ADGRG6: variants seen among roughly 807,000 people sequenced by gnomAD.
The protein encoded by ADGRG6 is G-protein coupled receptor 126.
Under a neutral mutation model 142.4 loss-of-function variants are expected in ADGRG6, and 84 were observed. That is an observed-to-expected ratio of 0.59 (90% CI 0.49 to 0.71). The LOEUF is 0.71. ADGRG6 is among the 30% of genes least tolerant of loss of function. The pLI is 0.00. For missense variants in ADGRG6, 1,367 were observed against 1,466.6 expected, an observed-to-expected ratio of 0.93 and a Z score of 1.11; for synonymous variants, 521 against 520.5, an observed-to-expected ratio of 1.00 and a Z score of -0.01.
intron 22 of ADGRG6, among the ~76,000 whole-genome samples, chr6:142,420,890 A>G (rs901476468): frequency 1.3e-5 from 2 of 152,200 alleles, no homozygotes; most frequent in African/African-American, 4.8e-5. Flanking sequence ...GAAACTCCTT[A>G]GTGTGCAGAA....
At chr6:142,420,479 G>T (rs574118446) in intron 22 of ADGRG6, among the ~76,000 whole-genome samples, 1 of 152,202 alleles carries the variant, frequency 6.6e-6, no homozygotes, top group East Asian at 1.9e-4. Flanking sequence ...GCTGAATGTT[G>T]GTCCTCTTCA....
At chr6:142,340,125 T>C (rs1265690234) in intron 2 of ADGRG6, among the ~76,000 whole-genome samples, 1 of 152,128 alleles carries the variant, frequency 6.6e-6, no homozygotes, top group Non-Finnish European at 1.5e-5. Context: ...AGGCTCTTTC[T>C]CTTGAGAGTA....
intron 22 of ADGRG6, among the ~76,000 whole-genome samples, chr6:142,423,831 C>T (rs1350106195): frequency 6.9e-6 from 1 of 144,426 alleles, no homozygotes; most frequent in Non-Finnish European, 1.5e-5. Flanking sequence ...TTGTTTGTAT[C>T]CTCTTTGATT....
intron 6 of ADGRG6, among the ~76,000 whole-genome samples, chr6:142,389,497 C>T (rs555561511): frequency 4.6e-5 from 7 of 151,916 alleles, no homozygotes; most frequent in African/African-American, 1.4e-4. Context: ...TTTAGCAAAC[C>T]CTTGCTGGTG....
At chr6:142,436,504 T>C (rs760125578) in intron 22 of ADGRG6, among the ~76,000 whole-genome samples, 1 of 151,950 alleles carries the variant, frequency 6.6e-6, no homozygotes, top group Non-Finnish European at 1.5e-5. Context: ...GTGGAGAAGA[T>C]AAGGTGTGAG....
Position 142,392,971 on chromosome 6 carries a change from GA to G in ADGRG6, c.1334del (p.Asn445ThrfsTer13). ...EWLNSTFQNW[N>X]YTVYVVNISF... ...AGCTCAATTCAACCTTCCAAAATTG[GA>G]ACTACACGGTTTATGTCGTTAATAT... On this transcript the variant is annotated frameshift_variant, in exon 8 of 25. Transcript: ENST00000367609. LOFTEE classifies it high-confidence loss of function. 6.3e-7 allele frequency: 1 copy of G among 1,596,592 alleles called. No individual in the cohort carries two copies.
At chr6:142,303,853 C>T (rs1049854976) in intron 1 of ADGRG6, among the ~76,000 whole-genome samples, 3 of 151,872 alleles carry the variant, frequency 2.0e-5, no homozygotes, top group African/African-American at 7.3e-5. Flanking sequence ...TAAAAATTTC[C>T]TGATCATGAA....
intron 2 of ADGRG6, among the ~76,000 whole-genome samples, chr6:142,315,659 C>T (rs958992862): frequency 1.3e-5 from 2 of 151,748 alleles, no homozygotes; most frequent in East Asian, 3.9e-4. Context: ...GGTGAAACCC[C>T]GACTCTACTA....
chr6:142,372,414 C>A (rs547495891), intron 4 of ADGRG6, among the ~76,000 whole-genome samples: 1 of 152,168 alleles, frequency 6.6e-6, no homozygotes, highest in Non-Finnish European at 1.5e-5. Context: ...AGCAAAGTAG[C>A]ACCCTTATGA....
At chr6:142,367,091 C>A (rs1780976460) in intron 2 of ADGRG6, among the ~76,000 whole-genome samples, 1 of 152,060 alleles carries the variant, frequency 6.6e-6, no homozygotes, top group Non-Finnish European at 1.5e-5. Flanking sequence ...CTAAGAGTTT[C>A]TCTTCCTTTA....
intron 2 of ADGRG6, among the ~76,000 whole-genome samples, chr6:142,322,284 C>T (rs1164296602): frequency 6.6e-6 from 1 of 152,024 alleles, no homozygotes; most frequent in East Asian, 1.9e-4. Flanking sequence ...CCTGTGGTCC[C>T]AGTTTCTTGA....
intron 2 of ADGRG6, among the ~76,000 whole-genome samples, chr6:142,318,187 T>TTATATATTTATATATTA (rs1778287488): frequency 3.1e-5 from 1 of 32,418 alleles, no homozygotes; most frequent in Non-Finnish European, 4.6e-5. Flanking sequence ...ATATTATATA[T>TTATATATTTATATATTA]TATATATTTA....
At chr6:142,435,442 T>C (rs1447960130) in intron 22 of ADGRG6, among the ~76,000 whole-genome samples, 3 of 152,168 alleles carry the variant, frequency 2.0e-5, no homozygotes, top group African/African-American at 7.2e-5. Context: ...AGAAACTTTT[T>C]CCTTAAATAT....
chr6:142,314,639 T>C lies in ADGRG6; in HGVS notation c.103+4995T>C, dbSNP rs544067236. Among the ~76,000 whole-genome samples the C allele has an allele frequency of 3.3e-5, 5 of 152,304 alleles. No individual in the cohort carries two copies. In the East Asian group the frequency reaches 9.6e-4, roughly 29 times the overall value. On this transcript the variant is annotated intron_variant, in intron 2 of 24. Coordinates refer to ENST00000367609, the MANE Select transcript of ADGRG6 (RefSeq NM_198569.3). ...TTTTTTAAGTACAAATTTTGTTGCA[T>C]TGTTGCATTAAAAATGGATGTAGAG...
At chr6:142,396,979 C>T (rs921898774) in intron 9 of ADGRG6, among the ~76,000 whole-genome samples, 2 of 152,046 alleles carry the variant, frequency 1.3e-5, no homozygotes, top group African/African-American at 2.4e-5. Flanking sequence ...TCAAAGTCAA[C>T]CATTCTATAA....
intron 2 of ADGRG6, 26 bp downstream of exon 2, chr6:142,309,670 G>A: frequency 7.2e-7 from 1 of 1,386,080 alleles, no homozygotes; most frequent in Non-Finnish European, 1.0e-6. Context: ...TTTCACACCT[G>A]GAATTTAATC....
intron 19 of ADGRG6, among the ~76,000 whole-genome samples, chr6:142,415,361 T>A (rs1379730130): frequency 6.6e-6 from 1 of 152,212 alleles, no homozygotes; most frequent in Non-Finnish European, 1.5e-5. Flanking sequence ...AGGTGCTTTC[T>A]GTATTGTAAA....
At chr6:142,393,325 C>T (rs1433468409) in intron 8 of ADGRG6, among the ~76,000 whole-genome samples, 1 of 152,124 alleles carries the variant, frequency 6.6e-6, no homozygotes, top group Non-Finnish European at 1.5e-5. Context: ...TCACCTAGAG[C>T]ACCCCCTGGT....
chr6:142,442,514 T>C (rs369394223), intron 24 of ADGRG6, among the ~76,000 whole-genome samples: 3 of 152,084 alleles, frequency 2.0e-5, no homozygotes, highest in East Asian at 3.8e-4. Context: ...CTGAAAATTT[T>C]AGAAAAAATT....
Sources: gnomAD v4.1 joint callset for allele counts (sites outside exome capture counted in the v4.1 genomes callset) on GRCh38, gnomAD v4.1.1 for gene constraint, MANE v1.5 for transcripts, NCBI Gene and HGNC (gene_info 2026-07-23, HGNC 2026-07-21) for gene names.